Variants in GPC5 observed in about 807,000 individuals in gnomAD.
GPC5 encodes the protein glypican 5.
Under a neutral mutation model 53.9 loss-of-function variants are expected in GPC5, and 47 were observed. The ratio of observed to expected loss-of-function variants is 0.87; its 90% confidence interval spans 0.69 to 1.11. The LOEUF is 1.11. Ranked by LOEUF, GPC5 falls within the 50% of genes most tolerant of loss-of-function variation. The pLI, the probability that GPC5 is intolerant of heterozygous loss-of-function variation, is 0.00. For synonymous variants in GPC5, 286 were observed against 263.3 expected (o/e 1.09, Z -0.84); for missense variants, 748 against 713.1 (o/e 1.05, Z -0.56).
intron 5 of GPC5, among the ~76,000 whole-genome samples, chr13:91,787,973 A>G (rs1235321307): frequency 6.6e-6 from 1 of 152,148 alleles, no homozygotes; most frequent in Non-Finnish European, 1.5e-5. Flanking sequence ...GCTAATTTTA[A>G]CCATTTTATC....
intron 7 of GPC5, among the ~76,000 whole-genome samples, chr13:92,845,597 C>T (rs1878586118): frequency 6.6e-6 from 1 of 152,140 alleles, no homozygotes; most frequent in African/African-American, 2.4e-5. Context: ...AGTCTACCTA[C>T]TAACATGTTA....
chr13:92,791,991 C>T (rs1308107860), intron 7 of GPC5, among the ~76,000 whole-genome samples: 1 of 151,838 alleles, frequency 6.6e-6, no homozygotes, highest in Admixed American at 6.6e-5. Context: ...ATAATTTGTG[C>T]AAGTGTTTGC....
chr13:91,484,878 T>A (rs1883503276), intron 2 of GPC5, among the ~76,000 whole-genome samples: 1 of 152,248 alleles, frequency 6.6e-6, no homozygotes, highest in Non-Finnish European at 1.5e-5. Flanking sequence ...TATAGTGGCA[T>A]AATGTGTACT....
chr13:92,516,975 C>T (rs1006210216), intron 7 of GPC5, among the ~76,000 whole-genome samples: 3 of 152,010 alleles, frequency 2.0e-5, no homozygotes, highest in African/African-American at 7.2e-5. Context: ...GGGTCACTCC[C>T]ACTCTAATAC....
intron 7 of GPC5, chr13:92,340,003 ACAT>A (rs1167990628): frequency 2.6e-5 from 4 of 152,052 alleles, no homozygotes; most frequent in African/African-American, 9.6e-5. Context: ...AACAAAAAAA[ACAT>A]ATATATGAAA....
At chr13:92,410,859 CTACT>C (rs1876010255) in intron 7 of GPC5, among the ~76,000 whole-genome samples, 1 of 152,200 alleles carries the variant, frequency 6.6e-6, no homozygotes, top group Non-Finnish European at 1.5e-5. Context: ...ATTTTAAGAA[CTACT>C]TATTTTTTCT....
chr13:92,535,157 A>G (rs4144426), intron 7 of GPC5, among the ~76,000 whole-genome samples: 51,481 of 151,992 alleles, frequency 0.34, 9,107 homozygotes, highest in Non-Finnish European at 0.4. Context: ...GCTGGGCTTC[A>G]TGGGGTAAGC....
intron 7 of GPC5, among the ~76,000 whole-genome samples, chr13:92,303,663 A>G (rs1177202254): frequency 6.6e-6 from 1 of 152,202 alleles, no homozygotes; most frequent in African/African-American, 2.4e-5. Context: ...GCCCAACACA[A>G]ACCAAAAGCA....
At chr13:92,864,134 T>C (rs1321618388) in intron 7 of GPC5, among the ~76,000 whole-genome samples, 3 of 152,238 alleles carry the variant, frequency 2.0e-5, no homozygotes, top group African/African-American at 4.8e-5. Flanking sequence ...GGCATGCTAA[T>C]GTCTTTTTAC....
intron 6 of GPC5, among the ~76,000 whole-genome samples, chr13:91,925,447 CA>C (rs1350611506): frequency 6.6e-6 from 1 of 152,044 alleles, no homozygotes; most frequent in Admixed American, 6.6e-5. Flanking sequence ...TCCATTAATT[CA>C]GTGAACAAAC....
chr13:91,540,855 C>T (rs72641420), intron 2 of GPC5, among the ~76,000 whole-genome samples: 1,810 of 151,926 alleles, frequency 0.012, 13 homozygotes, highest in Non-Finnish European at 0.019. Context: ...TACTTTACAT[C>T]CTCCAGAGTC....
At chr13:92,523,760 A>C (rs567433566) in intron 7 of GPC5, among the ~76,000 whole-genome samples, 2 of 152,240 alleles carry the variant, frequency 1.3e-5, no homozygotes, top group South Asian at 4.1e-4. Flanking sequence ...TATAGTCAAC[A>C]AATTAATTAT....
intron 6 of GPC5, among the ~76,000 whole-genome samples, chr13:91,928,813 C>T (rs1365601854): frequency 1.3e-5 from 2 of 152,090 alleles, no homozygotes; most frequent in South Asian, 2.1e-4. Context: ...CTAAGGTAGA[C>T]GTAAAGACAT....
intron 6 of GPC5, among the ~76,000 whole-genome samples, chr13:91,962,437 GTGTGGTC>G (rs1275434680): frequency 2.6e-5 from 4 of 151,988 alleles, no homozygotes; most frequent in Non-Finnish European, 2.9e-5. Context: ...TTTCCTTTTA[GTGTGGTC>G]TGTGTGAGCT....
intron 7 of GPC5, among the ~76,000 whole-genome samples, chr13:92,628,450 T>A (rs1284202729): frequency 1.3e-5 from 2 of 151,912 alleles, no homozygotes; most frequent in African/African-American, 4.8e-5. Context: ...CTAGAGCCAT[T>A]AGCTGGGCTG....
chr13:92,695,903 C>A (rs189714253), intron 7 of GPC5, among the ~76,000 whole-genome samples: 14 of 152,114 alleles, frequency 9.2e-5, no homozygotes, highest in Admixed American at 3.3e-4. Context: ...TCCCTGTGAC[C>A]ATGTGTTCTC....
At chr13:91,420,512 A>G (rs1878540009) in intron 1 of GPC5, among the ~76,000 whole-genome samples, 1 of 152,200 alleles carries the variant, frequency 6.6e-6, no homozygotes, top group Non-Finnish European at 1.5e-5. Flanking sequence ...CAGCAGCTTA[A>G]CTACCATTAC....
chr13:92,200,526 A>T (rs914382777), intron 7 of GPC5, among the ~76,000 whole-genome samples: 1 of 152,234 alleles, frequency 6.6e-6, no homozygotes, highest in Admixed American at 6.5e-5. Context: ...AGAAAATTAT[A>T]ACAGTTGAGA....
At chr13:92,385,485 TAC>T (rs1268343063) in intron 7 of GPC5, among the ~76,000 whole-genome samples, 39 of 53,810 alleles carry the variant, frequency 7.2e-4, no homozygotes, top group African/African-American at 2.5e-3. Context: ...TATACATATA[TAC>T]ACATATATAC....
Sources: gnomAD v4.1 joint callset for allele counts (sites outside exome capture counted in the v4.1 genomes callset) on GRCh38, gnomAD v4.1.1 for gene constraint, MANE v1.5 for transcripts, NCBI Gene and HGNC (gene_info 2026-07-23, HGNC 2026-07-21) for gene names.